The following SDK1 variants were observed in gnomAD, a reference collection of about 807,000 sequenced individuals.
SDK1 encodes protein sidekick-1.
Under a neutral mutation model 245.5 loss-of-function variants are expected in SDK1, and 157 were observed. The ratio of observed to expected loss-of-function variants is 0.64; its 90% CI spans 0.56 to 0.73. SDK1 has a LOEUF of 0.73. SDK1 is among the 30% of genes least tolerant of loss of function. The pLI, the probability that SDK1 is intolerant of heterozygous loss-of-function variation, is 0.00. For missense variants in SDK1, 3,583 were observed against 3,002.3 expected (o/e 1.19, Z -4.52); for synonymous variants, 1,647 against 1,278.5 (o/e 1.29, Z -6.15).
chr7:4,161,406 T>G (rs570858718), intron 31 of SDK1, among the ~76,000 whole-genome samples: 36 of 152,166 alleles, frequency 2.4e-4, no homozygotes, highest in African/African-American at 8.4e-4. Context: ...AGCTCTCACC[T>G]AGGTATCTTA....
At chr7:3,659,714 G>C (rs1783295352) in intron 4 of SDK1, among the ~76,000 whole-genome samples, 1 of 152,226 alleles carries the variant, frequency 6.6e-6, no homozygotes, top group African/African-American at 2.4e-5. Flanking sequence ...GCTTTGTGAA[G>C]AATAGAGAGT....
intron 23 of SDK1, among the ~76,000 whole-genome samples, chr7:4,111,398 T>G (rs1420428947): frequency 6.6e-6 from 1 of 152,214 alleles, no homozygotes; most frequent in African/African-American, 2.4e-5. Flanking sequence ...AATGTCATTG[T>G]TCTGCCAGGA....
chr7:3,930,748 G>A (rs536135211), intron 5 of SDK1, among the ~76,000 whole-genome samples: 6 of 152,086 alleles, frequency 3.9e-5, no homozygotes, highest in Non-Finnish European at 5.9e-5. Context: ...AGCTGAGATC[G>A]CACCACTTCA....
chr7:3,571,422 C>G (rs1004878580), intron 1 of SDK1, among the ~76,000 whole-genome samples: 8 of 151,976 alleles, frequency 5.3e-5, no homozygotes, highest in Admixed American at 1.3e-4. Context: ...CCAGCCTCAG[C>G]CTCCCAAGTA....
At chr7:3,730,675 G>A (rs898627868) in intron 4 of SDK1, among the ~76,000 whole-genome samples, 22 of 152,166 alleles carry the variant, frequency 1.4e-4, no homozygotes, top group African/African-American at 5.1e-4. Context: ...TCTTAGATCA[G>A]TTTTCCTTAC....
intron 1 of SDK1, among the ~76,000 whole-genome samples, chr7:3,563,976 T>C (rs1213602747): frequency 6.6e-6 from 1 of 152,082 alleles, no homozygotes; most frequent in Non-Finnish European, 1.5e-5. Context: ...AAAAATAAAA[T>C]TATGATATAT....
intron 26 of SDK1, among the ~76,000 whole-genome samples, chr7:4,129,460 A>G (rs528753355): frequency 2.0e-5 from 3 of 152,162 alleles, no homozygotes; most frequent in South Asian, 2.1e-4. Flanking sequence ...AGATGGCCCA[A>G]GGAGGCCAGA....
rs376240392 is a variant in SDK1, at chr7:3,966,288, C to T, written c.1430-1030C>T. Among the ~76,000 whole-genome samples, 26 of 152,216 alleles carry T rather than the reference C, an allele frequency of 1.7e-4. No individual in the cohort carries two copies. The South Asian group carries it at 3.1e-3, about 18-fold the overall frequency. On this transcript the variant is annotated intron_variant, in intron 9 of 44. Transcript: ENST00000404826. ...GATTCTCAGCAGGTGCAGGCAGAGG[C>T]GGCGGCTGTGCCCTGGGTCCCGTGA...
chr7:3,484,449 C>G lies in SDK1; in HGVS notation c.299-134631C>G, dbSNP rs181901778. On this transcript the variant is annotated intron_variant, in intron 1 of 44. Transcript: ENST00000404826. ...AAACATGAGGGTCCTGGAACTAGTTCCCCATGTAGACCGAGGAACGGCTAT... is the reference window on the plus strand; with the variant it reads ...AAACATGAGGGTCCTGGAACTAGTTGCCCATGTAGACCGAGGAACGGCTAT... 3.8e-3 allele frequency among the ~76,000 whole-genome samples: 582 copies of G among 152,252 alleles called. 1 individual carries two copies. Among genetic ancestry groups the G allele is most frequent in the Non-Finnish European group, 4.4e-3 (298 of 68,020 alleles).
At position 3,943,516 on chromosome 7, in the gene SDK1, G is replaced by A. The variant is rs192299720; in HGVS notation, c.848-7407G>A. Among the ~76,000 whole-genome samples the A allele has an allele frequency of 1.1e-3, 161 of 149,924 alleles. 1 individual carries two copies. Among genetic ancestry groups the A allele is most frequent in the Admixed American group, 7.8e-3 (117 of 14,986 alleles). The stretch of plus-strand genomic sequence containing the variant: ...TTCCTTTCCTCTCCTCCTTCAGAGC[G>A]GAGTCCATTTCCCCCACCCCACCCC... On this transcript the variant is annotated intron_variant, in intron 5 of 44. Coordinates refer to ENST00000404826, the MANE Select transcript of SDK1 (RefSeq NM_152744.4).
chr7:3,968,409 A>C (rs1018198051), intron 10 of SDK1, among the ~76,000 whole-genome samples: 12 of 152,162 alleles, frequency 7.9e-5, no homozygotes, highest in Non-Finnish European at 1.6e-4. Context: ...CTGACATGCC[A>C]AAAGCCTTAT....
intron 1 of SDK1, among the ~76,000 whole-genome samples, chr7:3,442,319 G>T (rs906368329): frequency 6.6e-6 from 1 of 152,136 alleles, no homozygotes; most frequent in Non-Finnish European, 1.5e-5. Flanking sequence ...GGTTCAACTC[G>T]TGTATGTGTC....
At chr7:4,083,745 C>CTTTACTTCCTCCTTCCCTCCCTT (rs1562785267) in intron 22 of SDK1, among the ~76,000 whole-genome samples, 4,780 of 7,286 alleles carry the variant, frequency 0.66, 1,795 homozygotes, top group East Asian at 0.86. Flanking sequence ...TCCCTCCCTT[C>CTTTACTTCCTCCTTCCCTCCCTT]CTTTACTTCC....
At chr7:3,379,653 G>C (rs988708456) in intron 1 of SDK1, among the ~76,000 whole-genome samples, 1 of 152,166 alleles carries the variant, frequency 6.6e-6, no homozygotes, top group African/African-American at 2.4e-5. Context: ...TTTGATCCAA[G>C]TAACCTCAGA....
intron 40 of SDK1, among the ~76,000 whole-genome samples, chr7:4,226,762 C>G (rs1340295102): frequency 2.0e-5 from 3 of 152,172 alleles, no homozygotes; most frequent in Non-Finnish European, 4.4e-5. Context: ...TGCAGATGAT[C>G]TATTTACACA....
At chr7:3,540,031 T>A (rs1051231346) in intron 1 of SDK1, among the ~76,000 whole-genome samples, 2 of 152,220 alleles carry the variant, frequency 1.3e-5, no homozygotes, top group Non-Finnish European at 2.9e-5. Context: ...TTCAAATTTA[T>A]GATATTTTGA....
chr7:3,677,476 C>T (rs1411792808), intron 4 of SDK1, among the ~76,000 whole-genome samples: 16 of 152,236 alleles, frequency 1.1e-4, no homozygotes, highest in Non-Finnish European at 4.4e-5. Flanking sequence ...GACAAGAGAG[C>T]TTGTGCAAGG....
chr7:4,137,769 C>T (rs1292202961), intron 28 of SDK1, among the ~76,000 whole-genome samples: 3 of 152,210 alleles, frequency 2.0e-5, no homozygotes, highest in Non-Finnish European at 4.4e-5. Flanking sequence ...GGCCTTGCGT[C>T]GCTGAAGTGC....
At chr7:3,349,793 G>A (rs955156953) in intron 1 of SDK1, among the ~76,000 whole-genome samples, 7 of 151,860 alleles carry the variant, frequency 4.6e-5, no homozygotes, top group African/African-American at 1.5e-4. Context: ...TAGTAGAGAC[G>A]GGGTTTCACC....
Sources: gnomAD v4.1 joint callset for allele counts (sites outside exome capture counted in the v4.1 genomes callset) on GRCh38, gnomAD v4.1.1 for gene constraint, MANE v1.5 for transcripts, NCBI Gene and HGNC (gene_info 2026-07-23, HGNC 2026-07-21) for gene names.